Variants in PACRG observed in about 807,000 individuals in gnomAD.
PACRG encodes parkin coregulated gene protein.
In PACRG, 29 loss-of-function variants were observed where a neutral mutation model predicts 29.7. The ratio of observed to expected loss-of-function variants is 0.98; its 90% CI spans 0.73 to 1.33. The LOEUF (loss-of-function observed/expected upper bound fraction) is 1.33, where lower values mean the gene tolerates loss of function less well. PACRG is among the 40% of genes most tolerant of loss of function. The pLI, the probability that PACRG is intolerant of heterozygous loss-of-function variation, is 0.00. For missense variants in PACRG, 279 were observed against 316.2 expected (o/e 0.88, Z 0.89); for synonymous variants, 116 against 118.7 (o/e 0.98, Z 0.15).
chr6:163,164,094 A>C (rs545338993), intron 4 of PACRG, among the ~76,000 whole-genome samples: 71 of 152,188 alleles, frequency 4.7e-4, no homozygotes, highest in Non-Finnish European at 9.0e-4. Flanking sequence ...ATTTAAAAAA[A>C]AATGTTTGGC....
Position 162,814,293 on chromosome 6 carries a change from C to T in PACRG, c.291+12C>T. On this transcript the variant is annotated intron_variant, in intron 2 of 4. Transcript: ENST00000366888. ...AAATCGCCTGGAAGGTAAGTCAGGG[C>T]ACAGCTGTGCCGGCCAGCTGCACCC... The T allele has an allele frequency of 1.9e-6, 3 of 1,612,632 alleles. No individual in the cohort carries two copies. The highest frequency in any genetic ancestry group is 2.5e-6 in the Non-Finnish European group (3 of 1,179,042).
At chr6:162,906,609 C>T (rs1266437959) in intron 2 of PACRG, among the ~76,000 whole-genome samples, 6 of 152,212 alleles carry the variant, frequency 3.9e-5, no homozygotes, top group East Asian at 1.9e-4. Flanking sequence ...GGAGTTTTCT[C>T]ACGATCTTCT....
At chr6:163,197,291 C>G (rs897314384) in intron 4 of PACRG, among the ~76,000 whole-genome samples, 2 of 151,996 alleles carry the variant, frequency 1.3e-5, no homozygotes, top group African/African-American at 4.8e-5. Flanking sequence ...CTCCAGTACA[C>G]ATCTATTTTG....
rs373838544 is a variant in PACRG at position 163,001,094 on chromosome 6, G to T, written c.292-61056G>T. Among the ~76,000 whole-genome samples the T allele has an allele frequency of 1.7e-4, 26 of 152,350 alleles. No homozygotes were observed. The East Asian group carries it at 3.7e-3, about 22-fold the overall frequency. On this transcript the variant is annotated intron_variant, in intron 2 of 4. Coordinates refer to ENST00000366888, the MANE Select transcript of PACRG (RefSeq NM_001080379.2). ...TGGGGATGGGTTACAGGTGTGCATGGCTCCCAAGGACCTTGGCACAACCAC... is the reference window on the plus strand; with the variant it reads ...TGGGGATGGGTTACAGGTGTGCATGTCTCCCAAGGACCTTGGCACAACCAC...
chr6:162,984,447 A>C (rs187010444), intron 2 of PACRG, among the ~76,000 whole-genome samples: 4 of 151,996 alleles, frequency 2.6e-5, no homozygotes, highest in Admixed American at 2.6e-4. Flanking sequence ...CTGGTTCCAT[A>C]TTTTTACAAT....
At chr6:162,999,239 A>G (rs542171368) in intron 2 of PACRG, among the ~76,000 whole-genome samples, 1 of 152,330 alleles carries the variant, frequency 6.6e-6, no homozygotes, top group South Asian at 2.1e-4. Flanking sequence ...TATTGGTAGG[A>G]AGCAGTCAGG....
chr6:162,764,620 T>A (rs1782637797), intron 1 of PACRG, among the ~76,000 whole-genome samples: 1 of 152,166 alleles, frequency 6.6e-6, no homozygotes, highest in Non-Finnish European at 1.5e-5. Flanking sequence ...TAATTGTTCT[T>A]CCCATCTCTG....
intron 4 of PACRG, among the ~76,000 whole-genome samples, chr6:163,199,320 CTA>C (rs1472400127): frequency 2.0e-5 from 3 of 152,278 alleles, no homozygotes; most frequent in Middle Eastern, 3.4e-3. Flanking sequence ...TCATAAGAAA[CTA>C]GAGATTCTAA....
intron 4 of PACRG, among the ~76,000 whole-genome samples, chr6:163,132,822 T>A (rs989984997): frequency 6.6e-5 from 10 of 152,226 alleles, no homozygotes; most frequent in African/African-American, 1.2e-4. Flanking sequence ...TTATTTCACT[T>A]CCAAATGGAC....
intron 2 of PACRG, among the ~76,000 whole-genome samples, chr6:162,928,872 G>A (rs1385279343): frequency 2.0e-5 from 3 of 151,628 alleles, no homozygotes; most frequent in African/African-American, 7.3e-5. Context: ...TATGGTATTT[G>A]TCTTTCTGTG....
intron 2 of PACRG, among the ~76,000 whole-genome samples, chr6:162,825,849 C>T (rs1788226630): frequency 6.6e-6 from 1 of 152,190 alleles, no homozygotes; most frequent in African/African-American, 2.4e-5. Context: ...TGGGCTCCTG[C>T]TCACTGCTCT....
chr6:163,304,139 A>C (rs904767647), intron 4 of PACRG, among the ~76,000 whole-genome samples: 21 of 152,246 alleles, frequency 1.4e-4, no homozygotes, highest in Admixed American at 1.1e-3. Flanking sequence ...TGAGGAGTAC[A>C]TGATTGAAAA....
chr6:162,794,060 C>T (rs1183629381), intron 1 of PACRG, among the ~76,000 whole-genome samples: 2 of 152,058 alleles, frequency 1.3e-5, no homozygotes, highest in Non-Finnish European at 2.9e-5. Flanking sequence ...AAATGGTTTC[C>T]AAAGTGTATC....
At chr6:163,038,705 A>C (rs960341603) in intron 2 of PACRG, among the ~76,000 whole-genome samples, 7 of 152,212 alleles carry the variant, frequency 4.6e-5, no homozygotes, top group African/African-American at 1.7e-4. Flanking sequence ...AGGGTGACAG[A>C]ATATAAACAA....
At chr6:163,300,617 T>A (rs1429882391) in intron 4 of PACRG, among the ~76,000 whole-genome samples, 2 of 152,212 alleles carry the variant, frequency 1.3e-5, no homozygotes, top group East Asian at 3.8e-4. Context: ...CAGCTACTTA[T>A]CTGACATAAA....
Position 163,048,018 on chromosome 6 carries a change from G to A in PACRG, c.292-14132G>A, listed in dbSNP as rs189898461. Among the ~76,000 whole-genome samples, 100 of 152,226 alleles carry A rather than the reference G, an allele frequency of 6.6e-4. 1 individual carries two copies. Among genetic ancestry groups the A allele is most frequent in the Non-Finnish European group, 1.3e-3 (88 of 67,976 alleles). On this transcript the variant is annotated intron_variant, in intron 2 of 4. Coordinates refer to ENST00000366888, the MANE Select transcript of PACRG (RefSeq NM_001080379.2). ...GTTGTTTTTAATCGTGTATGGAAAT[G>A]CTATTATTTTTAGTGCATTGATTTT... is the stretch of plus-strand genomic sequence containing the variant.
chr6:163,285,985 TG>T (rs1260587119), intron 4 of PACRG, among the ~76,000 whole-genome samples: 2 of 152,234 alleles, frequency 1.3e-5, no homozygotes, highest in Non-Finnish European at 2.9e-5. Flanking sequence ...CTCTATTGCA[TG>T]GTTCTGTCGT....
intron 2 of PACRG, among the ~76,000 whole-genome samples, chr6:162,985,117 A>G (rs1802772922): frequency 6.6e-6 from 1 of 152,082 alleles, no homozygotes; most frequent in South Asian, 2.1e-4. Flanking sequence ...GCTGAATTCT[A>G]TCCGACATAC....
chr6:162,931,916 A>C (rs1035446262), intron 2 of PACRG, among the ~76,000 whole-genome samples: 9 of 152,034 alleles, frequency 5.9e-5, no homozygotes, highest in Non-Finnish European at 1.3e-4. Context: ...GCATTTATCC[A>C]GAAGGAAAGA....
Sources: gnomAD v4.1 joint callset for allele counts (sites outside exome capture counted in the v4.1 genomes callset) on GRCh38, gnomAD v4.1.1 for gene constraint, MANE v1.5 for transcripts, NCBI Gene and HGNC (gene_info 2026-07-23, HGNC 2026-07-21) for gene names.